SGCD: variants seen among roughly 807,000 people sequenced by gnomAD.
SGCD encodes the protein sarcoglycan delta, also known as delta-sarcoglycan.
SGCD carries 18 observed loss-of-function variants against 36.6 expected under a neutral mutation model. The ratio of observed to expected loss-of-function variants is 0.49; its 90% CI spans 0.34 to 0.73. The LOEUF (loss-of-function observed/expected upper bound fraction) is 0.73, where lower values mean the gene tolerates loss of function less well. Ranked by LOEUF, SGCD falls within the 30% of genes least tolerant of loss-of-function variation. The pLI is 0.01. For synonymous variants in SGCD, 133 were observed against 130.6 expected (o/e 1.02, Z -0.12); for missense variants, 387 against 346.7 (o/e 1.12, Z -0.92).
chr5:156,406,807 TATATATATATATACACACAC>T lies in SGCD; in HGVS notation c.192+62132_192+62151del, dbSNP rs1485529228. ...AGGAGATTTTATATATATATATATA[TATATATATATATACACACAC>T]ACACACACACACACATATATATGTG... is the stretch of plus-strand genomic sequence containing the variant. On this transcript the variant is annotated intron_variant, in intron 3 of 8. Coordinates refer to ENST00000337851, the MANE Select transcript of SGCD (RefSeq NM_000337.6). 6.2e-4 allele frequency among the ~76,000 whole-genome samples: 61 copies of T among 98,694 alleles called. 4 individuals carry two copies. The highest frequency in any genetic ancestry group is 2.6e-3 in the African/African-American group (53 of 20,316). The allele number at this position is 98,694 out of a possible 152,430, so 64.7% of individuals were successfully genotyped here.
chr5:156,654,045 C>A (rs1357647165), intron 7 of SGCD, among the ~76,000 whole-genome samples: 1 of 152,068 alleles, frequency 6.6e-6, no homozygotes, highest in Non-Finnish European at 1.5e-5. Flanking sequence ...GCTTCCCTTT[C>A]ACTATCTGCA....
intron 1 of SGCD, among the ~76,000 whole-genome samples, chr5:156,117,205 G>T (rs1761925656): frequency 6.6e-6 from 1 of 151,924 alleles, no homozygotes; most frequent in Non-Finnish European, 1.5e-5. Flanking sequence ...TGAATAATTT[G>T]GTCTAGTAGG....
chr5:156,653,395 T>C (rs1344121871), intron 7 of SGCD, among the ~76,000 whole-genome samples: 1 of 151,938 alleles, frequency 6.6e-6, no homozygotes, highest in Non-Finnish European at 1.5e-5. Context: ...GTGTTCATAA[T>C]AGTCTTTGAG....
intron 2 of SGCD, among the ~76,000 whole-genome samples, chr5:156,343,690 T>C (rs1561632851): frequency 6.6e-6 from 1 of 152,236 alleles, no homozygotes; most frequent in Non-Finnish European, 1.5e-5. Flanking sequence ...TATTACTTTA[T>C]AATATATTGA....
At chr5:156,458,329 T>C (rs1331079898) in intron 3 of SGCD, 3 of 1,003,242 alleles carry the variant, frequency 3.0e-6, no homozygotes, top group Non-Finnish European at 4.5e-6. Flanking sequence ...GTTTATTCTT[T>C]TGCGTGACTG....
At position 156,759,224 on chromosome 5, in the gene SGCD, T is replaced by C; in HGVS notation, c.707T>C (p.Leu236Ser). 6.2e-7 allele frequency: 1 copy of C among 1,613,460 alleles called. No individual in the cohort carries two copies. Among genetic ancestry groups the C allele is most frequent in the Non-Finnish European group, 8.5e-7 (1 of 1,179,464 alleles). Reference sequence around the variant, plus strand: ...CCTATTCTCTGTCTTTAGATTAAGTTAGATGCTGCGAAAATCAGGCTACCT... The same window carrying C: ...CCTATTCTCTGTCTTTAGATTAAGTCAGATGCTGCGAAAATCAGGCTACCT... ...RLESKDGEIK[L>S]DAAKIRLPRL... The change falls in exon 9 of 9, where the codon TTA (leucine) becomes TCA (serine). Residue 236 changes from leucine (L) to serine (S), a missense_variant. Leu to Ser is a moderately radical substitution (Grantham distance 145, BLOSUM62 -2). Transcript: ENST00000337851.
At chr5:156,629,855 C>CTT (rs560099325) in intron 6 of SGCD, among the ~76,000 whole-genome samples, 146 of 85,540 alleles carry the variant, frequency 1.7e-3, no homozygotes, top group Non-Finnish European at 2.2e-3. Context: ...GAGACTTTTT[C>CTT]TTTTTTTTTT....
At chr5:156,383,345 A>T (rs1771096450) in intron 3 of SGCD, among the ~76,000 whole-genome samples, 5 of 152,044 alleles carry the variant, frequency 3.3e-5, no homozygotes, top group Admixed American at 2.0e-4. Context: ...CTCTACTAAA[A>T]ATACAAAAAT....
Position 156,027,664 on chromosome 5 carries a change from A to G in SGCD, c.-281-90214A>G, listed in dbSNP as rs1487338491. Among the ~76,000 whole-genome samples, 5 of 152,212 alleles carry G rather than the reference A, an allele frequency of 3.3e-5. No homozygotes were observed. The East Asian group carries it at 7.7e-4, about 23-fold the overall frequency. ...TGACTATATATTAAAGAAAAAAAGAATGAATGATCTAATGAGGGCTAAGAC... is the reference window on the plus strand; with the variant it reads ...TGACTATATATTAAAGAAAAAAAGAGTGAATGATCTAATGAGGGCTAAGAC... On this transcript the variant is annotated intron_variant, in intron 1 of 9. Transcript: ENST00000517913.
At chr5:156,716,718 G>C (rs143676876) in intron 7 of SGCD, among the ~76,000 whole-genome samples, 11 of 152,208 alleles carry the variant, frequency 7.2e-5, no homozygotes, top group African/African-American at 2.4e-4. Context: ...TCCTTAAAAG[G>C]CTTCTCCTTC....
chr5:155,985,063 TG>T (rs1758303371), intron 1 of SGCD, among the ~76,000 whole-genome samples: 1 of 152,236 alleles, frequency 6.6e-6, no homozygotes, highest in Non-Finnish European at 1.5e-5. Context: ...TTAATGACCC[TG>T]GGTTAATTGG....
rs752815516 is a variant in SGCD, at chr5:156,494,462, C to CA, written c.193-14130dup. Among the ~76,000 whole-genome samples the CA allele has an allele frequency of 1.8e-3, 267 of 148,456 alleles. 1 individual carries two copies. The highest frequency in any genetic ancestry group is 2.6e-3 in the Non-Finnish European group (174 of 67,100). On this transcript the variant is annotated intron_variant, in intron 3 of 8. Transcript: ENST00000337851. ...GGCAAAGGAAGGAGGGAATAAATTC[C>CA]AAAAAAAAATTATTTAAGTTTAACA... is the stretch of plus-strand genomic sequence containing the variant.
At chr5:155,955,757 G>GTTACA (rs10686405) in intron 1 of SGCD, among the ~76,000 whole-genome samples, 1 of 151,742 alleles carries the variant, frequency 6.6e-6, no homozygotes, top group Admixed American at 6.6e-5. Context: ...CAAAATAGTT[G>GTTACA]TTAGAGTAAC....
intron 1 of SGCD, among the ~76,000 whole-genome samples, chr5:155,883,473 T>C (rs1189618646): frequency 1.3e-5 from 2 of 152,270 alleles, no homozygotes; most frequent in East Asian, 3.9e-4. Flanking sequence ...GAGTTATTAA[T>C]TGGCCTAATT....
At chr5:155,871,240 A>T (rs948847189) in intron 1 of SGCD, among the ~76,000 whole-genome samples, 14 of 152,182 alleles carry the variant, frequency 9.2e-5, no homozygotes, top group African/African-American at 3.4e-4. Flanking sequence ...TTGGATCAAA[A>T]GGATTTTAAT....
At chr5:156,119,741 T>C (rs184715396) in intron 2 of SGCD, among the ~76,000 whole-genome samples, 66 of 152,250 alleles carry the variant, frequency 4.3e-4, no homozygotes, top group South Asian at 2.1e-4. Context: ...TGCCCACCTC[T>C]CTTGGGAGTC....
intron 6 of SGCD, among the ~76,000 whole-genome samples, chr5:156,639,520 G>A (rs888379176): frequency 1.3e-5 from 2 of 152,174 alleles, no homozygotes; most frequent in South Asian, 4.1e-4. Context: ...TAGGCCTTCG[G>A]TATCTGGTAC....
At chr5:155,840,828 A>G in the SGCD span, among the ~76,000 whole-genome samples, 1 of 151,604 alleles carries the variant, frequency 6.6e-6, no homozygotes, top group Non-Finnish European at 1.5e-5. Context: ...CCTGATCAAC[A>G]TGGAGAAACC....
intron 3 of SGCD, among the ~76,000 whole-genome samples, chr5:156,283,399 C>T (rs1422590557): frequency 1.3e-5 from 2 of 152,270 alleles, no homozygotes; most frequent in East Asian, 3.9e-4. Context: ...CATATTTCTG[C>T]TGGTCTCCTT....
Sources: gnomAD v4.1 joint callset for allele counts (sites outside exome capture counted in the v4.1 genomes callset) on GRCh38, gnomAD v4.1.1 for gene constraint, MANE v1.5 for transcripts, NCBI Gene and HGNC (gene_info 2026-07-23, HGNC 2026-07-21) for gene names.